The following MITF variants were observed in gnomAD, a reference collection of about 807,000 sequenced individuals.
MITF encodes the protein microphthalmia-associated transcription factor.
MITF carries 17 observed loss-of-function variants against 60.5 expected under a neutral mutation model. The observed-to-expected ratio is 0.28, with a 90% CI of 0.19 to 0.42. MITF has a LOEUF of 0.42. Ranked by LOEUF, MITF falls within the 10% of genes least tolerant of loss-of-function variation. MITF has a pLI of 1.00. For synonymous variants in MITF, 260 were observed against 248.5 expected (o/e 1.05, Z -0.43); for missense variants, 622 against 683.5 (o/e 0.91, Z 1.00).
chr3:69,809,808 T>C (rs536911817), intron 1 of MITF, among the ~76,000 whole-genome samples: 41 of 152,274 alleles, frequency 2.7e-4, no homozygotes, highest in African/African-American at 9.4e-4. Context: ...TTTAGCATTA[T>C]GGCATTCTAA....
chr3:69,863,985 A>G (rs543837390), intron 1 of MITF, among the ~76,000 whole-genome samples: 1 of 151,954 alleles, frequency 6.6e-6, no homozygotes, highest in South Asian at 2.1e-4. Flanking sequence ...CATTTCTCTT[A>G]GTTCTCTAGA....
chr3:69,797,111 C>G (rs1040618735), intron 1 of MITF, among the ~76,000 whole-genome samples: 4 of 152,242 alleles, frequency 2.6e-5, no homozygotes, highest in Non-Finnish European at 5.9e-5. Context: ...ATAATTTAGT[C>G]CAGAGGGTAT....
chr3:69,823,172 C>G (rs1324909008), intron 1 of MITF, among the ~76,000 whole-genome samples: 1 of 152,196 alleles, frequency 6.6e-6, no homozygotes, highest in African/African-American at 2.4e-5. Context: ...AACCGCTGCA[C>G]TCGGCCTCAT....
At chr3:69,910,182 T>A (rs140277225) in intron 2 of MITF, among the ~76,000 whole-genome samples, 2,353 of 152,244 alleles carry the variant, frequency 0.015, 29 homozygotes, top group Middle Eastern at 0.051. Flanking sequence ...GCTTCAGAGG[T>A]TGGAGGCCCC....
At position 69,802,269 on chromosome 3, in the gene MITF, A is replaced by G. The variant is rs555437944; in HGVS notation, c.104+62568A>G. Among the ~76,000 whole-genome samples the G allele has an allele frequency of 5.3e-5, 8 of 152,312 alleles. No individual in the cohort carries two copies. The East Asian group carries it at 1.5e-3, about 29-fold the overall frequency. On this transcript the variant is annotated intron_variant, in intron 1 of 9. Coordinates refer to ENST00000352241, the MANE Select transcript of MITF (RefSeq NM_001354604.2). Reference sequence around the variant, plus strand: ...CCGAACATTCTGGAATGCATAGGACAGCCTCTGCAACAATGATCCAGCCCC... The same window carrying G: ...CCGAACATTCTGGAATGCATAGGACGGCCTCTGCAACAATGATCCAGCCCC...
chr3:69,949,401 G>T (rs975122054), intron 6 of MITF, among the ~76,000 whole-genome samples: 2 of 151,866 alleles, frequency 1.3e-5, no homozygotes, highest in Admixed American at 6.6e-5. Flanking sequence ...GGGAATCGGG[G>T]CCACCATTAC....
At chr3:69,930,153 G>A (rs990327732) in intron 2 of MITF, among the ~76,000 whole-genome samples, 2 of 152,238 alleles carry the variant, frequency 1.3e-5, no homozygotes, top group East Asian at 3.9e-4. Context: ...AAACGGTGCC[G>A]TCTCGTAGGC....
chr3:69,955,791 G>A (rs1253608014), intron 7 of MITF, among the ~76,000 whole-genome samples: 3 of 152,032 alleles, frequency 2.0e-5, no homozygotes, highest in Non-Finnish European at 2.9e-5. Context: ...TCCAGCCTGG[G>A]TGACAGAGCA....
At chr3:69,814,868 A>T (rs1036689530) in intron 1 of MITF, among the ~76,000 whole-genome samples, 1 of 152,076 alleles carries the variant, frequency 6.6e-6, no homozygotes, top group Non-Finnish European at 1.5e-5. Context: ...TGGCACTTTG[A>T]TGTTCAGGGA....
At chr3:69,769,304 G>A (rs950164636) in intron 1 of MITF, among the ~76,000 whole-genome samples, 1 of 151,898 alleles carries the variant, frequency 6.6e-6, no homozygotes, top group Non-Finnish European at 1.5e-5. Context: ...GCACACATAG[G>A]GTTTTCATCT....
intron 6 of MITF, among the ~76,000 whole-genome samples, chr3:69,949,484 T>A (rs571096312): frequency 2.0e-5 from 3 of 152,130 alleles, no homozygotes; most frequent in Non-Finnish European, 4.4e-5. Context: ...CTCTTTCAGC[T>A]GTAACTGTCT....
At chr3:69,942,604 A>AC (rs945570976) in intron 5 of MITF, among the ~76,000 whole-genome samples, 1 of 151,744 alleles carries the variant, frequency 6.6e-6, no homozygotes, top group Non-Finnish European at 1.5e-5. Context: ...ATTTAAACCC[A>AC]CCCCCTGATT....
At chr3:69,749,031 A>G in intron 1 of MITF, among the ~76,000 whole-genome samples, 1 of 152,176 alleles carries the variant, frequency 6.6e-6, no homozygotes, top group East Asian at 1.9e-4. Context: ...CATGTTTTTC[A>G]AAAACATACA....
intron 1 of MITF, among the ~76,000 whole-genome samples, chr3:69,785,665 C>A (rs1217084911): frequency 1.3e-5 from 2 of 152,130 alleles, no homozygotes; most frequent in Admixed American, 1.3e-4. Flanking sequence ...GGCTCCATGA[C>A]CTGAAGATTG....
intron 2 of MITF, among the ~76,000 whole-genome samples, chr3:69,882,453 T>C (rs1381392695): frequency 6.6e-6 from 1 of 152,160 alleles, no homozygotes; most frequent in African/African-American, 2.4e-5. Context: ...CAATTGGGTA[T>C]TGTAATTTAA....
At chr3:69,753,371 G>A (rs1367565176) in intron 1 of MITF, among the ~76,000 whole-genome samples, 1 of 152,256 alleles carries the variant, frequency 6.6e-6, no homozygotes, top group East Asian at 1.9e-4. Context: ...TGCAGGGGCA[G>A]AGCCCTCATA....
Position 69,871,740 on chromosome 3 carries a change from G to A in MITF, c.105-7394G>A, listed in dbSNP as rs185480340. On this transcript the variant is annotated intron_variant, in intron 1 of 9. Transcript: ENST00000352241. ...GTTATAATGTCTAGAAAAACAGCCA[G>A]AGCATGCCCTGTGATTGGAACAATT... 5.8e-4 allele frequency among the ~76,000 whole-genome samples: 89 copies of A among 152,316 alleles called. 1 individual carries two copies. The highest frequency in any genetic ancestry group is 5.0e-3 in the Admixed American group (77 of 15,296).
chr3:69,965,154 C>A lies in MITF; in HGVS notation c.1487C>A (p.Thr496Asn). 1 of 1,614,098 alleles carries A rather than the reference C, an allele frequency of 6.2e-7. No homozygotes were observed. Among genetic ancestry groups the A allele is most frequent in the South Asian group, 1.1e-5 (1 of 91,074 alleles). ...GACACCCTTTCTCCCGTCGGTGTCACTGATCCACTCCTTTCCTCAGTGTCC... is the reference window on the plus strand; with the variant it reads ...GACACCCTTTCTCCCGTCGGTGTCAATGATCCACTCCTTTCCTCAGTGTCC... ...MDDTLSPVGV[T>N]DPLLSSVSPG... The change falls in exon 10 of 10, where the codon ACT becomes AAT. Residue 496 changes from threonine (T) to asparagine (N), a missense_variant. Transcript: ENST00000352241.
intron 1 of MITF, among the ~76,000 whole-genome samples, chr3:69,831,241 TC>T (rs1013107598): frequency 5.3e-5 from 8 of 151,990 alleles, no homozygotes; most frequent in Admixed American, 4.6e-4. Flanking sequence ...CAATTATGCT[TC>T]CCCCCCATTA....
Sources: allele counts gnomAD v4.1 joint callset (sites outside exome capture counted in the v4.1 genomes callset), GRCh38; gene constraint gnomAD v4.1.1; transcripts MANE v1.5; gene names NCBI Gene and HGNC (gene_info 2026-07-23, HGNC 2026-07-21).